LDLRAD4: variants seen among roughly 807,000 people sequenced by gnomAD.
LDLRAD4 encodes the protein low density lipoprotein receptor class A domain containing 4.
Under a neutral mutation model 17.0 loss-of-function variants are expected in LDLRAD4, and 5 were observed. The observed-to-expected ratio is 0.29, with a 90% confidence interval of 0.15 to 0.62. The LOEUF is 0.62. Among genes scored for constraint, LDLRAD4 ranks in the 20% least tolerant of loss-of-function variants. The pLI, the probability that LDLRAD4 is intolerant of heterozygous loss-of-function variation, is 0.84. For synonymous variants in LDLRAD4, 168 were observed against 171.8 expected (o/e 0.98, Z 0.17); for missense variants, 340 against 424.7 (o/e 0.80, Z 1.75).
At chr18:13,462,804 T>C (rs776484147) in intron 3 of LDLRAD4, among the ~76,000 whole-genome samples, 19 of 152,154 alleles carry the variant, frequency 1.2e-4, no homozygotes, top group Non-Finnish European at 1.0e-4. Flanking sequence ...GAGCCCCGCC[T>C]GGGAGCTTTT....
intron 3 of LDLRAD4, chr18:13,614,705 C>T (rs1332826287): frequency 6.6e-6 from 1 of 152,158 alleles, no homozygotes; most frequent in East Asian, 1.9e-4. Flanking sequence ...CAATTATAGT[C>T]TAAGTAGATT....
chr18:13,413,606 G>T (rs1359624784), intron 2 of LDLRAD4, among the ~76,000 whole-genome samples: 1 of 152,214 alleles, frequency 6.6e-6, no homozygotes, highest in Non-Finnish European at 1.5e-5. Context: ...CTTCAATTGA[G>T]TACGGAAATT....
At chr18:13,554,607 A>C (rs1179694453) in intron 3 of LDLRAD4, among the ~76,000 whole-genome samples, 1 of 152,178 alleles carries the variant, frequency 6.6e-6, no homozygotes, top group African/African-American at 2.4e-5. Flanking sequence ...TCTCAAACAG[A>C]TCTTCACAAT....
At chr18:13,261,862 G>C (rs1044692817) in intron 1 of LDLRAD4, among the ~76,000 whole-genome samples, 8 of 152,186 alleles carry the variant, frequency 5.3e-5, no homozygotes, top group Admixed American at 3.3e-4. Flanking sequence ...GCAGGACTGC[G>C]AGTGCCACCA....
At chr18:13,624,177 C>T (rs1601781081) in intron 4 of LDLRAD4, among the ~76,000 whole-genome samples, 2 of 91,572 alleles carry the variant, frequency 2.2e-5, no homozygotes, top group South Asian at 3.1e-4. Context: ...TGAGCACTGC[C>T]GGACCCACCA....
At chr18:13,587,115 T>TAA (rs1481351871) in intron 3 of LDLRAD4, among the ~76,000 whole-genome samples, 3 of 152,136 alleles carry the variant, frequency 2.0e-5, no homozygotes, top group African/African-American at 7.2e-5. Flanking sequence ...TCTCAAACTC[T>TAA]AACATACATC....
intron 2 of LDLRAD4, among the ~76,000 whole-genome samples, chr18:13,417,947 A>G (rs768237721): frequency 6.6e-6 from 1 of 152,146 alleles, no homozygotes; most frequent in Non-Finnish European, 1.5e-5. Flanking sequence ...ACAGGTTTCT[A>G]TTGGTAGACA....
intron 1 of LDLRAD4, among the ~76,000 whole-genome samples, chr18:13,372,093 G>C (rs940473123): frequency 3.3e-5 from 5 of 152,200 alleles, no homozygotes; most frequent in African/African-American, 1.2e-4. Context: ...CTGCTCAAAT[G>C]TAAAAGGTTA....
chr18:13,579,406 G>A (rs1313868804), intron 3 of LDLRAD4, among the ~76,000 whole-genome samples: 2 of 152,204 alleles, frequency 1.3e-5, no homozygotes, highest in Non-Finnish European at 2.9e-5. Flanking sequence ...AAGTGGGCCT[G>A]TCCCTTTTTA....
intron 1 of LDLRAD4, among the ~76,000 whole-genome samples, chr18:13,362,910 A>T (rs1346991176): frequency 6.6e-6 from 1 of 151,736 alleles, no homozygotes; most frequent in Non-Finnish European, 1.5e-5. Context: ...TTTGCTTGAG[A>T]TATGAGAGCC....
intron 3 of LDLRAD4, among the ~76,000 whole-genome samples, chr18:13,469,873 A>G (rs1453480050): frequency 6.6e-6 from 1 of 152,208 alleles, no homozygotes; most frequent in Non-Finnish European, 1.5e-5. Flanking sequence ...CTGAAGAGGG[A>G]GGATTCTTTG....
intron 3 of LDLRAD4, among the ~76,000 whole-genome samples, chr18:13,546,959 TTGAGA>T (rs1300303911): frequency 2.6e-5 from 4 of 152,196 alleles, no homozygotes; most frequent in Non-Finnish European, 4.4e-5. Context: ...TTTACAACAC[TTGAGA>T]TGAGAACATT....
intron 3 of LDLRAD4, among the ~76,000 whole-genome samples, chr18:13,553,096 A>C (rs957346650): frequency 2.0e-5 from 3 of 152,238 alleles, no homozygotes; most frequent in Admixed American, 2.0e-4. Flanking sequence ...AGTTGAGACT[A>C]AATATGTACA....
chr18:13,604,645 T>G (rs977141837), intron 3 of LDLRAD4, among the ~76,000 whole-genome samples: 5 of 152,212 alleles, frequency 3.3e-5, no homozygotes, highest in African/African-American at 9.7e-5. Context: ...CCTTCCATTT[T>G]GGGGATGAAA....
intron 3 of LDLRAD4, among the ~76,000 whole-genome samples, chr18:13,543,945 T>C (rs569832648): frequency 6.6e-6 from 1 of 152,356 alleles, no homozygotes; most frequent in East Asian, 1.9e-4. Context: ...GCATGGAGTA[T>C]GTACCCGGGG....
At chr18:13,572,221 G>C (rs1940913) in intron 3 of LDLRAD4, among the ~76,000 whole-genome samples, 74,279 of 152,098 alleles carry the variant, frequency 0.49, 20,211 homozygotes, top group South Asian at 0.65. Context: ...CTACATTGGG[G>C]GTAGTGAAAT....
chr18:13,633,421 C>T (rs1308325602), intron 4 of LDLRAD4, among the ~76,000 whole-genome samples: 1 of 152,216 alleles, frequency 6.6e-6, no homozygotes, highest in East Asian at 1.9e-4. Context: ...GCCTGTCTGC[C>T]TCCTGCTGCC....
At position 13,624,633 on chromosome 18, in the gene LDLRAD4, C is replaced by A. The variant is rs144373535; in HGVS notation, c.336+3362C>A. ...CAGGTATGAGGACCTGTGTCTCCTCCGTCCCCATGCCTGGCCTGGCCCATG... is the reference window on the plus strand; with the variant it reads ...CAGGTATGAGGACCTGTGTCTCCTCAGTCCCCATGCCTGGCCTGGCCCATG... On this transcript the variant is annotated intron_variant, in intron 4 of 5. Transcript: ENST00000359446. 6.6e-3 allele frequency among the ~76,000 whole-genome samples: 1,007 copies of A among 152,344 alleles called. 13 individuals carry two copies. The highest frequency in any genetic ancestry group is 0.023 in the African/African-American group (955 of 41,580).
intron 3 of LDLRAD4, among the ~76,000 whole-genome samples, chr18:13,528,655 A>G (rs2094075674): frequency 6.6e-6 from 1 of 152,186 alleles, no homozygotes; most frequent in Admixed American, 6.5e-5. Context: ...CAACCTCTCA[A>G]CAAGGTTAGT....
Sources: allele counts gnomAD v4.1 joint callset (sites outside exome capture counted in the v4.1 genomes callset), GRCh38; gene constraint gnomAD v4.1.1; transcripts MANE v1.5; gene names NCBI Gene and HGNC (gene_info 2026-07-23, HGNC 2026-07-21).